PWWP3A: variants seen among roughly 807,000 people sequenced by gnomAD.
The protein encoded by PWWP3A is PWWP domain containing 3A, DNA repair factor.
PWWP3A carries 53 observed loss-of-function variants against 79.0 expected under a neutral mutation model. That is an observed-to-expected ratio of 0.67 (90% CI 0.54 to 0.84). The LOEUF (loss-of-function observed/expected upper bound fraction) is 0.84, where lower values mean the gene tolerates loss of function less well. Ranked by LOEUF, PWWP3A falls within the 40% of genes least tolerant of loss-of-function variation. PWWP3A has a pLI of 0.00. For missense variants in PWWP3A, 973 were observed against 948.0 expected (o/e 1.03, Z -0.35); for synonymous variants, 443 against 394.4 (o/e 1.12, Z -1.46).
intron 4 of PWWP3A, chr19:1,359,046 C>A: frequency 3.5e-6 from 1 of 286,080 alleles, no homozygotes; most frequent in Non-Finnish European, 7.1e-6. Flanking sequence ...CCCAGGCCTT[C>A]AGTTTAGCAC....
At position 1,356,531 on chromosome 19, in the gene PWWP3A, G is replaced by A; in HGVS notation, c.57+82G>A. 2.9e-6 allele frequency: 4 copies of A among 1,359,124 alleles called. No individual in the cohort carries two copies. The South Asian group carries it at 3.6e-5, about 12-fold the overall frequency. The allele number at this position is 1,359,124 out of a possible 1,614,324, so 84.2% of individuals were successfully genotyped here. A position where few individuals can be genotyped will look rare whatever the true frequency, so the allele number is the denominator to read the frequency against. On this transcript the variant is annotated intron_variant, in intron 2 of 13. Transcript: ENST00000591337. ...AAAATCTTGATCAGGAGATACCTAG[G>A]ATTTGCTTCAGTGAAATAATTGAGC...
At position 1,368,443 on chromosome 19, in the gene PWWP3A, G is replaced by C. The variant is rs961061640; in HGVS notation, c.1423-822G>C. On this transcript the variant is annotated intron_variant, in intron 9 of 13. Transcript: ENST00000591337. This position sits in a 1 kb window ranked among gnomAD's most constrained non-coding sequence, Gnocchi z 4.7. ...CACTTGATTCAGTGGTAGTCACCGTGGCTTCTGAGGGATGATATTGGGGAA... is the reference window on the plus strand; with the variant it reads ...CACTTGATTCAGTGGTAGTCACCGTCGCTTCTGAGGGATGATATTGGGGAA... Among the ~76,000 whole-genome samples, 6 of 152,138 alleles carry C rather than the reference G, an allele frequency of 3.9e-5. No homozygotes were observed. The highest frequency in any genetic ancestry group is 1.4e-4 in the African/African-American group (6 of 41,432).
chr19:1,375,955 G>A (rs1410931948), intron 13 of PWWP3A, among the ~76,000 whole-genome samples: 3 of 150,350 alleles, frequency 2.0e-5, no homozygotes, highest in Non-Finnish European at 3.0e-5. Flanking sequence ...GATTGCAGGT[G>A]CCCACTACCA....
intron 13 of PWWP3A, among the ~76,000 whole-genome samples, chr19:1,375,538 TTA>T (rs1308806033): frequency 4.7e-4 from 3 of 6,426 alleles, no homozygotes; most frequent in African/African-American, 1.3e-3. Flanking sequence ...TTTATATATT[TTA>T]TATATAAAAT....
chr19:1,355,740 C>T lies in PWWP3A; in HGVS notation c.-69-584C>T, dbSNP rs187743489. ...CGCCACCCCTACCTCTGCTGGGAAC[C>T]TCCTCTTCCCTGCTGCGGGGACGCC... On this transcript the variant is annotated intron_variant, in intron 1 of 13. Coordinates refer to ENST00000591337, the MANE Select transcript of PWWP3A (RefSeq NM_001369789.1). Among the ~76,000 whole-genome samples, 9 of 151,916 alleles carry T rather than the reference C, an allele frequency of 5.9e-5. 1 individual carries two copies. Among genetic ancestry groups the T allele is most frequent in the Admixed American group, 5.2e-4 (8 of 15,252 alleles).
At chr19:1,358,145 T>G (rs1415619020) in intron 3 of PWWP3A, 1 of 473,844 alleles carries the variant, frequency 2.1e-6, no homozygotes, top group African/African-American at 2.0e-5. Flanking sequence ...CAATTTGAAT[T>G]CATTTTTGCT....
At position 1,371,034 on chromosome 19, in the gene PWWP3A, A is replaced by G. The variant is rs531792143; in HGVS notation, c.1942A>G (p.Asn648Asp). Residue 648 changes from asparagine (N) to aspartate (D), a missense_variant, in exon 12 of 14, where the codon AAC (asparagine) becomes GAC (aspartate). Transcript: ENST00000591337. ...EVGAKVLQRT[N>D]GDRIRFILDV... ...GGGGGCCAAGGTGCTCCAGCGCACC[A>G]ACGGCGACCGGATCCGGTTCATTCT... is the stretch of plus-strand genomic sequence containing the variant. The G allele has an allele frequency of 1.9e-6, 3 of 1,574,226 alleles. No homozygotes were observed. Among genetic ancestry groups the G allele is most frequent in the East Asian group, 4.7e-5 (2 of 42,720 alleles).
In PWWP3A at chr19:1,370,627, G is replaced by A; in HGVS notation, c.1550-15G>A. 3 of 1,445,352 alleles carry A rather than the reference G, an allele frequency of 2.1e-6. No individual in the cohort carries two copies. The highest frequency in any genetic ancestry group is 2.4e-4 in the Middle Eastern group (1 of 4,210). The allele number at this position is 1,445,352 out of a possible 1,614,324, so 89.5% of individuals were successfully genotyped here. A position where few individuals can be genotyped will look rare whatever the true frequency, so the allele number is the denominator to read the frequency against. ...AGCCCACGCGCTGGTCCCACGACAG[G>A]TGCTTCTTTTGCAGGCTATCCTGTC... is the stretch of plus-strand genomic sequence containing the variant. On this transcript the variant is annotated splice_polypyrimidine_tract_variant and intron_variant, in intron 11 of 13. Coordinates refer to ENST00000591337, the MANE Select transcript of PWWP3A (RefSeq NM_001369789.1).
chr19:1,358,356 T>C, intron 3 of PWWP3A, 38 bp from the exon 4 acceptor site: 2 of 1,559,864 alleles, frequency 1.3e-6, no homozygotes, highest in Non-Finnish European at 1.8e-6. Context: ...CTTGGCGGCG[T>C]TGGCTGGTGG....
chr19:1,366,105 C>T (rs1047414019), intron 7 of PWWP3A, among the ~76,000 whole-genome samples, 200 bp from the exon 8 acceptor site: 1 of 152,230 alleles, frequency 6.6e-6, no homozygotes, highest in Non-Finnish European at 1.5e-5. Flanking sequence ...TGATTCCGCT[C>T]AGATGGGAAA....
chr19:1,358,828 C>G, intron 4 of PWWP3A: 15 of 521,510 alleles, frequency 2.9e-5, no homozygotes, highest in South Asian at 2.3e-4. Context: ...TGCTGTGGTA[C>G]TGTCGCTGCC....
At chr19:1,358,239 G>T in intron 3 of PWWP3A, 155 bp from the exon 4 acceptor site, 1 of 635,432 alleles carries the variant, frequency 1.6e-6, no homozygotes, top group Non-Finnish European at 2.7e-6. Context: ...TGTAACCTCA[G>T]GCAGATGAAT....
Position 1,375,509 on chromosome 19 carries a change from A to T in PWWP3A, c.2076-1010A>T, listed in dbSNP as rs28719125. The stretch of plus-strand genomic sequence containing the variant: ...TATAAAATATATAAATTTTATATAT[A>T]ATATATAAAATCATATAATTTATAT... On this transcript the variant is annotated intron_variant, in intron 13 of 13. Transcript: ENST00000591337. Among the ~76,000 whole-genome samples, 3 of 14,320 alleles carry T rather than the reference A, an allele frequency of 2.1e-4. No homozygotes were observed. In the Admixed American group the frequency reaches 2.5e-3, roughly 12 times the overall value. The allele number at this position is 14,320 out of a possible 152,430, so 9.4% of individuals were successfully genotyped here.
chr19:1,371,000 C>T lies in PWWP3A; in HGVS notation c.1908C>T (p.Tyr636=). 1.3e-6 allele frequency: 2 copies of T among 1,570,508 alleles called. No individual in the cohort carries two copies. Among genetic ancestry groups the T allele is most frequent in the Non-Finnish European group, 1.7e-6 (2 of 1,157,564 alleles). ...DLVVKYLQGV[Y]QEVGAKVLQR... is the part of the protein sequence containing the mutation. ...TGGTGAAGTACCTGCAGGGCGTCTA[C>T]CAGGAGGTGGGGGCCAAGGTGCTCC... is the stretch of plus-strand genomic sequence containing the variant. Residue 636 remains tyrosine (Y), a synonymous_variant, in exon 12 of 14, where the codon TAC becomes TAT. Coordinates refer to ENST00000591337, the MANE Select transcript of PWWP3A (RefSeq NM_001369789.1).
Position 1,357,101 on chromosome 19 carries a change from T to C in PWWP3A, c.143+7T>C. On this transcript the variant is annotated splice_region_variant and intron_variant, in intron 3 of 13. Coordinates refer to ENST00000591337, the MANE Select transcript of PWWP3A (RefSeq NM_001369789.1). ...TCCTCTCTCTAGAGGAAAAGTTAAG[T>C]GTTGTGTTGTTTTAATACTGTTTTT... The C allele has an allele frequency of 6.3e-7, 1 of 1,596,566 alleles. No homozygotes were observed. The highest frequency in any genetic ancestry group is 8.6e-7 in the Non-Finnish European group (1 of 1,168,416).
At chr19:1,370,574 C>A in intron 11 of PWWP3A, 68 bp from the exon 12 acceptor site, 1 of 1,387,052 alleles carries the variant, frequency 7.2e-7, no homozygotes, top group Non-Finnish European at 9.5e-7. Context: ...CTCCCATCGG[C>A]CCTGACCCAC....
chr19:1,373,004 T>C, intron 12 of PWWP3A, 68 bp from the exon 13 acceptor site: 1 of 1,444,130 alleles, frequency 6.9e-7, no homozygotes, highest in Non-Finnish European at 9.7e-7. Context: ...TGCGGCCTTC[T>C]TAACCGCAGG....
intron 2 of PWWP3A, among the ~76,000 whole-genome samples, chr19:1,356,704 T>G (rs930042967): frequency 6.6e-5 from 10 of 150,416 alleles, no homozygotes; most frequent in African/African-American, 2.4e-4. Flanking sequence ...AGGCTGTAAC[T>G]CAAGGAAAGA....
At chr19:1,367,323 G>A (rs1037992860) in intron 9 of PWWP3A, 103 bp downstream of exon 9, 51 of 996,596 alleles carry the variant, frequency 5.1e-5, no homozygotes, top group South Asian at 5.1e-4. Flanking sequence ...CGGTGTACGC[G>A]TGTGAATGAT....
Sources: gnomAD v4.1 joint callset for allele counts (sites outside exome capture counted in the v4.1 genomes callset) on GRCh38, gnomAD v4.1.1 for gene constraint, Gnocchi (gnomAD v3.1) non-coding constraint, MANE v1.5 for transcripts, NCBI Gene and HGNC (gene_info 2026-07-23, HGNC 2026-07-21) for gene names.